The following ATP2B2 variants were observed in gnomAD, a reference collection of about 807,000 sequenced individuals.
ATP2B2 encodes plasma membrane calcium-transporting ATPase 2.
A neutral mutation model predicts 120.0 loss-of-function variants in ATP2B2; 15 were observed. The ratio of observed to expected loss-of-function variants is 0.12; its 90% CI spans 0.08 to 0.19. The LOEUF (loss-of-function observed/expected upper bound fraction) is 0.19, where lower values mean the gene tolerates loss of function less well. ATP2B2 is among the 10% of genes least tolerant of loss of function. The pLI, the probability that ATP2B2 is intolerant of heterozygous loss-of-function variation, is 1.00. For synonymous variants in ATP2B2, 694 were observed against 700.3 expected, an observed-to-expected ratio of 0.99 and a Z score of 0.14; for missense variants, 1,045 against 1,719.8, an observed-to-expected ratio of 0.61 and a Z score of 6.94.
intron 1 of ATP2B2, among the ~76,000 whole-genome samples, chr3:10,634,655 C>A (rs1316105749): frequency 1.3e-5 from 2 of 152,176 alleles, no homozygotes; most frequent in African/African-American, 4.8e-5. Flanking sequence ...AGGGCTGAGC[C>A]CAGTACAAGT....
rs2059824802 is a variant in ATP2B2, at chr3:10,324,125, TA to T, written c.*4688del. ...AGCACAAGCCAAAGATACAGAGAAA[TA>T]AAGAGTGTACAATAAGAGCACAGTC... is the stretch of plus-strand genomic sequence containing the variant. On this transcript the variant is annotated 3_prime_UTR_variant, in exon 23 of 23. Coordinates refer to ENST00000360273, the MANE Select transcript of ATP2B2 (RefSeq NM_001001331.4). 1 of 151,632 alleles carries T rather than the reference TA, an allele frequency of 6.6e-6. No homozygotes were observed. Among genetic ancestry groups the T allele is most frequent in the African/African-American group, 2.4e-5 (1 of 41,218 alleles). 9.4% of individuals were successfully genotyped at this position (151,632 alleles called of 1,614,324 possible).
intron 1 of ATP2B2, among the ~76,000 whole-genome samples, chr3:10,456,534 A>C (rs2064267254): frequency 6.6e-6 from 1 of 152,232 alleles, no homozygotes; most frequent in Non-Finnish European, 1.5e-5. Flanking sequence ...AGATAGAGCT[A>C]GCACAGTTTC....
rs111842499 is a variant in ATP2B2, at chr3:10,341,240, T to A, written c.2918-536A>T. On this transcript the variant is annotated intron_variant, in intron 19 of 22. Coordinates refer to ENST00000360273, the MANE Select transcript of ATP2B2 (RefSeq NM_001001331.4). ...TGTGGCTTCATTCTAACACCTGAGC[T>A]GTCACATGGCAGGGCACTGCTGTGT... 2.3e-3 allele frequency among the ~76,000 whole-genome samples: 354 copies of A among 152,292 alleles called. 2 individuals are homozygous for A. Among genetic ancestry groups the A allele is most frequent in the African/African-American group, 7.8e-3 (323 of 41,554 alleles).
chr3:10,363,052 G>A (rs1366812005), intron 12 of ATP2B2, among the ~76,000 whole-genome samples: 1 of 152,202 alleles, frequency 6.6e-6, no homozygotes, highest in Non-Finnish European at 1.5e-5. Context: ...GAGCTGAGCA[G>A]TCCTGCCTGC....
chr3:10,628,640 C>T (rs1012985613), intron 1 of ATP2B2, among the ~76,000 whole-genome samples: 2 of 152,218 alleles, frequency 1.3e-5, no homozygotes, highest in Non-Finnish European at 2.9e-5. Context: ...CCTTTCACAG[C>T]CTTTACCATA....
intron 2 of ATP2B2, among the ~76,000 whole-genome samples, chr3:10,535,385 ATGTGTGTGTGTGTGTGTGTG>A (rs34707434): frequency 1.4e-5 from 2 of 147,160 alleles, no homozygotes; most frequent in African/African-American, 2.5e-5. Flanking sequence ...CAGCAGTTTG[ATGTGTGTGTGTGTGTGTGTG>A]TGTGTGTGTG....
chr3:10,638,876 G>C (rs967138861), intron 1 of ATP2B2, among the ~76,000 whole-genome samples: 7 of 152,174 alleles, frequency 4.6e-5, no homozygotes, highest in Non-Finnish European at 1.0e-4. Context: ...ATTTCAAAAT[G>C]CTAAGGAAGT....
chr3:10,353,259 T>C (rs1284905371), intron 14 of ATP2B2, among the ~76,000 whole-genome samples: 2 of 152,192 alleles, frequency 1.3e-5, no homozygotes, highest in East Asian at 1.9e-4. Context: ...TCAGTGCCCT[T>C]TGTGCTACTG....
At chr3:10,582,435 A>G (rs933574781) in intron 2 of ATP2B2, among the ~76,000 whole-genome samples, 2 of 152,218 alleles carry the variant, frequency 1.3e-5, no homozygotes, top group Non-Finnish European at 2.9e-5. Flanking sequence ...CCATCCAGGG[A>G]TGGACTCTCG....
chr3:10,525,075 A>C (rs1434295289), intron 3 of ATP2B2, among the ~76,000 whole-genome samples: 2 of 152,208 alleles, frequency 1.3e-5, no homozygotes, highest in African/African-American at 4.8e-5. Context: ...GGCCAAGGCC[A>C]GTGGGAGAAC....
intron 2 of ATP2B2, among the ~76,000 whole-genome samples, chr3:10,617,493 G>A (rs866907201): frequency 6.6e-6 from 1 of 152,238 alleles, no homozygotes; most frequent in African/African-American, 2.4e-5. Flanking sequence ...ACGAAAGGAG[G>A]TGGCCTCGCT....
At chr3:10,432,166 G>T (rs1227048335) in intron 2 of ATP2B2, among the ~76,000 whole-genome samples, 2 of 152,260 alleles carry the variant, frequency 1.3e-5, no homozygotes, top group African/African-American at 4.8e-5. Flanking sequence ...TCACCTGTCA[G>T]TGCATGGCCT....
chr3:10,383,026 T>G (rs1484158035), intron 8 of ATP2B2, among the ~76,000 whole-genome samples: 1 of 151,678 alleles, frequency 6.6e-6, no homozygotes, highest in African/African-American at 2.4e-5. Flanking sequence ...TGGTCTGGGG[T>G]GGGGTCTGAG....
intron 2 of ATP2B2, among the ~76,000 whole-genome samples, chr3:10,612,737 C>T (rs1333635946): frequency 6.6e-6 from 1 of 152,140 alleles, no homozygotes; most frequent in Non-Finnish European, 1.5e-5. Context: ...ACACCATTAC[C>T]CTCTGTTTTC....
At chr3:10,564,787 A>AT (rs553710184) in intron 2 of ATP2B2, among the ~76,000 whole-genome samples, 2 of 152,088 alleles carry the variant, frequency 1.3e-5, no homozygotes, top group East Asian at 3.9e-4. Context: ...ACATGATCTC[A>AT]TTTTTTTCTG....
At chr3:10,652,816 T>C (rs1303481431) in intron 1 of ATP2B2, among the ~76,000 whole-genome samples, 1 of 152,198 alleles carries the variant, frequency 6.6e-6, no homozygotes, top group African/African-American at 2.4e-5. Flanking sequence ...GTTGAGGATG[T>C]TATGCTGAGT....
chr3:10,543,263 C>T (rs1464364439), intron 2 of ATP2B2, among the ~76,000 whole-genome samples: 1 of 152,212 alleles, frequency 6.6e-6, no homozygotes, highest in Non-Finnish European at 1.5e-5. Context: ...TTGTTTAAGC[C>T]ACCCAGTCTG....
At chr3:10,420,900 T>C (rs1182349807) in intron 2 of ATP2B2, among the ~76,000 whole-genome samples, 2 of 152,160 alleles carry the variant, frequency 1.3e-5, no homozygotes, top group African/African-American at 2.4e-5. Flanking sequence ...GAGATTCTAG[T>C]TGAATTGGGC....
intron 2 of ATP2B2, among the ~76,000 whole-genome samples, chr3:10,608,721 AC>A (rs1308642191): frequency 1.3e-5 from 2 of 152,128 alleles, no homozygotes; most frequent in East Asian, 3.9e-4. Context: ...CTTCTCCAGC[AC>A]CCTGAGGCCC....
Sources: allele counts gnomAD v4.1 joint callset (sites outside exome capture counted in the v4.1 genomes callset), GRCh38; gene constraint gnomAD v4.1.1; transcripts MANE v1.5; gene names NCBI Gene and HGNC (gene_info 2026-07-23, HGNC 2026-07-21).